The following LRP1B variants were observed in gnomAD, a reference collection of about 807,000 sequenced individuals.
LRP1B encodes LDL receptor related protein 1B.
In LRP1B, 217 loss-of-function variants were observed where a neutral mutation model predicts 556.6. The observed-to-expected ratio is 0.39, with a 90% CI of 0.35 to 0.44. The LOEUF is 0.44. Among genes scored for constraint, LRP1B ranks in the 20% least tolerant of loss-of-function variants. The pLI is 1.00. For synonymous variants in LRP1B, 2,047 were observed against 1,865.8 expected (o/e 1.10, Z -2.50); for missense variants, 5,053 against 5,620.8 (o/e 0.90, Z 3.23).
intron 41 of LRP1B, among the ~76,000 whole-genome samples, chr2:140,692,089 A>G (rs185209917): frequency 6.6e-6 from 1 of 152,226 alleles, no homozygotes; most frequent in East Asian, 1.9e-4. Flanking sequence ...AAAGTTTCAA[A>G]AATTAGTACA....
chr2:141,142,447 A>T (rs1404260018), intron 7 of LRP1B, among the ~76,000 whole-genome samples: 5 of 152,208 alleles, frequency 3.3e-5, no homozygotes, highest in Non-Finnish European at 7.3e-5. Context: ...ATAACTCATT[A>T]ATTGATATTA....
rs1680156178 is a variant in LRP1B at position 140,542,032 on chromosome 2, C to A, written c.7195-61G>T. 8.3e-6 allele frequency: 9 copies of A among 1,081,170 alleles called. No individual in the cohort carries two copies. The South Asian group carries it at 2.2e-4, about 26-fold the overall frequency. 67.0% of individuals were successfully genotyped at this position (1,081,170 alleles called of 1,614,324 possible). ...ATATATAGACATTTATACGTCCACA[C>A]CTATTTTTGCTTCAAAAATAAAAGA... On this transcript the variant is annotated intron_variant, in intron 43 of 90. Coordinates refer to ENST00000389484, the MANE Select transcript of LRP1B (RefSeq NM_018557.3).
intron 6 of LRP1B, among the ~76,000 whole-genome samples, chr2:141,217,323 A>G (rs1301845312): frequency 6.6e-6 from 1 of 152,182 alleles, no homozygotes; most frequent in East Asian, 1.9e-4. Flanking sequence ...TGATAATTAT[A>G]TATAGTATAC....
At chr2:140,811,040 G>A (rs1405221869) in intron 32 of LRP1B, among the ~76,000 whole-genome samples, 3 of 151,330 alleles carry the variant, frequency 2.0e-5, no homozygotes, top group African/African-American at 7.3e-5. Context: ...CGGCCAAGAG[G>A]TTTTTTTTTG....
chr2:140,820,867 T>TAG (rs1691304296), intron 31 of LRP1B, among the ~76,000 whole-genome samples: 2 of 151,874 alleles, frequency 1.3e-5, no homozygotes, highest in Admixed American at 1.3e-4. Flanking sequence ...TGCTTTTCTT[T>TAG]TCTGCTGATA....
chr2:140,364,858 A>G (rs1369515812), intron 71 of LRP1B, 75 bp from the exon 72 acceptor site: 12 of 1,363,720 alleles, frequency 8.8e-6, no homozygotes, highest in Non-Finnish European at 1.2e-5. Flanking sequence ...TATTCTTCTG[A>G]ATCTTAGCAA....
chr2:141,317,330 G>T (rs914198681), intron 3 of LRP1B, among the ~76,000 whole-genome samples: 8 of 152,126 alleles, frequency 5.3e-5, no homozygotes, highest in African/African-American at 1.7e-4. Context: ...CAATGTGTCC[G>T]CTGGGTTGGC....
rs377533303 is a variant in LRP1B, at chr2:140,526,398, T to A, written c.7763-48A>T. 7.2e-6 allele frequency: 8 copies of A among 1,113,466 alleles called. No homozygotes were observed. In the African/African-American group the frequency reaches 9.3e-5, roughly 13 times the overall value. The allele number at this position is 1,113,466 out of a possible 1,614,324, so 69.0% of individuals were successfully genotyped here. A position where few individuals can be genotyped will look rare whatever the true frequency, so the allele number is the denominator to read the frequency against. ...AAATGCAAAGATGGGACAGAATGAC[T>A]CCTTGCTTTTACATTTTGAATATTT... On this transcript the variant is annotated intron_variant, in intron 47 of 90. Coordinates refer to ENST00000389484, the MANE Select transcript of LRP1B (RefSeq NM_018557.3).
chr2:141,408,309 ATT>A (rs1451098141), intron 3 of LRP1B, among the ~76,000 whole-genome samples: 1 of 151,346 alleles, frequency 6.6e-6, no homozygotes, highest in African/African-American at 2.4e-5. Context: ...CGCGCAGCTA[ATT>A]TTTTTTGTAT....
intron 1 of LRP1B, among the ~76,000 whole-genome samples, chr2:141,957,888 T>C (rs1393173999): frequency 6.6e-6 from 1 of 152,074 alleles, no homozygotes; most frequent in African/African-American, 2.4e-5. Context: ...TTTTAACAAG[T>C]TTTTCTTGAG....
chr2:140,410,073 A>T (rs1295706858), intron 66 of LRP1B, among the ~76,000 whole-genome samples: 3 of 152,148 alleles, frequency 2.0e-5, no homozygotes, highest in Non-Finnish European at 4.4e-5. Flanking sequence ...AGTGTAATTT[A>T]CACTCTGAGA....
At chr2:141,844,409 A>G (rs1053866287) in intron 1 of LRP1B, among the ~76,000 whole-genome samples, 6 of 152,154 alleles carry the variant, frequency 3.9e-5, no homozygotes, top group African/African-American at 1.4e-4. Context: ...ACTTTGTTAC[A>G]TAACTATGTT....
chr2:141,897,967 T>C (rs999728699), intron 1 of LRP1B, among the ~76,000 whole-genome samples: 2 of 152,150 alleles, frequency 1.3e-5, no homozygotes, highest in Non-Finnish European at 2.9e-5. Flanking sequence ...ATTTCATAGA[T>C]GATATCTGAA....
In LRP1B at chr2:140,503,057, C is replaced by T. The variant is rs756040702; in HGVS notation, c.8568G>A (p.Arg2856=). 1.2e-6 allele frequency: 2 copies of T among 1,613,288 alleles called. No individual in the cohort carries two copies. The highest frequency in any genetic ancestry group is 3.3e-5 in the Admixed American group (2 of 59,948). The change falls in exon 54 of 91, where the codon CGG becomes CGA. Residue 2856 remains arginine (R), a synonymous_variant. Coordinates refer to ENST00000389484, the MANE Select transcript of LRP1B (RefSeq NM_018557.3). ...ACTGCCATTGAGTATTTAGAAGACACCGCCCATCAGCACAACTAAATTCTT... is the reference window on the plus strand; with the variant it reads ...ACTGCCATTGAGTATTTAGAAGACATCGCCCATCAGCACAACTAAATTCTT... ...GTEEFSCADG[R]CLLNTQWQCD...
At chr2:140,359,083 T>A in intron 72 of LRP1B, 137 bp from the exon 73 acceptor site, 1 of 711,532 alleles carries the variant, frequency 1.4e-6, no homozygotes, top group Non-Finnish European at 2.1e-6. Flanking sequence ...GACAATTGCC[T>A]ACTAGTGGCT....
intron 14 of LRP1B, among the ~76,000 whole-genome samples, chr2:141,013,328 A>G (rs1484896120): frequency 6.6e-6 from 1 of 151,954 alleles, no homozygotes; most frequent in East Asian, 1.9e-4. Flanking sequence ...CTTGGAGAAA[A>G]CCTTAAACCT....
chr2:141,917,422 C>T (rs1322335986), intron 1 of LRP1B, among the ~76,000 whole-genome samples: 2 of 152,252 alleles, frequency 1.3e-5, no homozygotes, highest in East Asian at 1.9e-4. Flanking sequence ...CATTGAGCTA[C>T]TGTAATGAGC....
intron 2 of LRP1B, among the ~76,000 whole-genome samples, chr2:141,678,478 A>G (rs1690972055): frequency 6.6e-6 from 1 of 152,214 alleles, no homozygotes; most frequent in Admixed American, 6.5e-5. Flanking sequence ...GTCAATTAAG[A>G]TGGGCTCGAA....
At chr2:141,347,629 C>G (rs1688300846) in intron 3 of LRP1B, among the ~76,000 whole-genome samples, 2 of 151,812 alleles carry the variant, frequency 1.3e-5, no homozygotes, top group Non-Finnish European at 2.9e-5. Context: ...TTAATAAAAC[C>G]AATTCATTTT....
Sources: allele counts gnomAD v4.1 joint callset (sites outside exome capture counted in the v4.1 genomes callset), GRCh38; gene constraint gnomAD v4.1.1; transcripts MANE v1.5; gene names NCBI Gene and HGNC (gene_info 2026-07-23, HGNC 2026-07-21).